The following CADM2 variants were observed in gnomAD, a reference collection of about 807,000 sequenced individuals.
The protein encoded by CADM2 is immunoglobulin superfamily member 4D.
Under a neutral mutation model 49.8 loss-of-function variants are expected in CADM2, and 12 were observed. The observed-to-expected ratio is 0.24, with a 90% CI of 0.15 to 0.39. CADM2 has a LOEUF of 0.39. CADM2 is among the 10% of genes least tolerant of loss of function. The pLI, the probability that CADM2 is intolerant of heterozygous loss-of-function variation, is 1.00. For missense variants in CADM2, 378 were observed against 492.3 expected (o/e 0.77, Z 2.20); for synonymous variants, 214 against 175.4 (o/e 1.22, Z -1.74).
At chr3:85,028,467 A>G (rs1392557511) in intron 1 of CADM2, among the ~76,000 whole-genome samples, 1 of 152,186 alleles carries the variant, frequency 6.6e-6, no homozygotes, top group Non-Finnish European at 1.5e-5. Context: ...TGTTAGAACT[A>G]AGAAAACTAT....
At chr3:85,939,326 A>G (rs1298852151) in intron 7 of CADM2, among the ~76,000 whole-genome samples, 3 of 152,016 alleles carry the variant, frequency 2.0e-5, no homozygotes, top group Admixed American at 6.6e-5. Context: ...CATTGTTTTA[A>G]TTTTAGTTTA....
intron 8 of CADM2, among the ~76,000 whole-genome samples, chr3:86,048,186 GTTATT>G (rs141916552): frequency 0.034 from 5,228 of 151,740 alleles, 177 homozygotes; most frequent in African/African-American, 0.085. Context: ...TTATGATTAT[GTTATT>G]TTATTTTCAA....
intron 2 of CADM2, among the ~76,000 whole-genome samples, chr3:85,739,156 T>G (rs1448955996): frequency 6.6e-6 from 1 of 152,116 alleles, no homozygotes; most frequent in Non-Finnish European, 1.5e-5. Flanking sequence ...GTTTGCATTA[T>G]CACTTTATAT....
intron 1 of CADM2, among the ~76,000 whole-genome samples, chr3:85,447,345 G>C (rs2037516958): frequency 6.6e-6 from 1 of 151,984 alleles, no homozygotes; most frequent in Admixed American, 6.6e-5. Context: ...TAGCCTTACT[G>C]TAATGTTAAT....
chr3:85,170,241 CT>C (rs944544217), intron 1 of CADM2, among the ~76,000 whole-genome samples: 45 of 152,032 alleles, frequency 3.0e-4, no homozygotes, highest in African/African-American at 1.1e-3. Flanking sequence ...ATTCTGGCGC[CT>C]TTAGAGTAAG....
intron 3 of CADM2, among the ~76,000 whole-genome samples, chr3:85,872,802 T>C (rs1431149238): frequency 1.3e-5 from 2 of 151,766 alleles, no homozygotes; most frequent in African/African-American, 2.4e-5. Flanking sequence ...AATTTTATGG[T>C]TTAGTTGTGG....
At chr3:85,887,177 C>T (rs1208662543) in intron 5 of CADM2, among the ~76,000 whole-genome samples, 3 of 140,532 alleles carry the variant, frequency 2.1e-5, no homozygotes, top group Non-Finnish European at 3.2e-5. Context: ...ACCTCGCACT[C>T]CTAGGCTCCA....
chr3:85,734,283 C>T (rs531175702), intron 2 of CADM2, among the ~76,000 whole-genome samples: 3 of 152,040 alleles, frequency 2.0e-5, no homozygotes, highest in East Asian at 3.9e-4. Context: ...CACTAAGACC[C>T]TGCTGCTTTG....
intron 8 of CADM2, among the ~76,000 whole-genome samples, chr3:86,027,629 C>T (rs147937394): frequency 6.6e-6 from 1 of 152,104 alleles, no homozygotes; most frequent in East Asian, 1.9e-4. Flanking sequence ...AAATGACTCA[C>T]CATGTTTATG....
At chr3:85,895,491 T>G (rs1715103335) in intron 5 of CADM2, among the ~76,000 whole-genome samples, 1 of 152,234 alleles carries the variant, frequency 6.6e-6, no homozygotes, top group Non-Finnish European at 1.5e-5. Context: ...GGACTAGCCT[T>G]GTCTCAGATG....
chr3:85,444,495 T>A (rs1382041848), intron 1 of CADM2, among the ~76,000 whole-genome samples: 1 of 151,640 alleles, frequency 6.6e-6, no homozygotes, highest in Non-Finnish European at 1.5e-5. Flanking sequence ...TCAACCTTAC[T>A]GTTCTCTCCA....
chr3:85,318,159 G>A (rs1175157514), intron 1 of CADM2, among the ~76,000 whole-genome samples: 3 of 145,232 alleles, frequency 2.1e-5, no homozygotes, highest in Non-Finnish European at 4.5e-5. Flanking sequence ...AACAGAGTGA[G>A]ACCCTGTCTC....
intron 1 of CADM2, among the ~76,000 whole-genome samples, chr3:85,180,537 A>G (rs956721880): frequency 1.4e-5 from 2 of 146,612 alleles, no homozygotes; most frequent in Non-Finnish European, 3.0e-5. Flanking sequence ...AAAAAAAAAA[A>G]GAGAAGGAGA....
At chr3:85,819,489 A>T (rs2073419311) in intron 3 of CADM2, among the ~76,000 whole-genome samples, 1 of 152,178 alleles carries the variant, frequency 6.6e-6, no homozygotes, top group African/African-American at 2.4e-5. Flanking sequence ...CAAAAAACTA[A>T]TTCCCGATTT....
chr3:85,955,632 A>G (rs1162295135), intron 7 of CADM2, among the ~76,000 whole-genome samples: 2 of 151,642 alleles, frequency 1.3e-5, no homozygotes, highest in Middle Eastern at 3.4e-3. Flanking sequence ...CCAAATACAA[A>G]TTAAAGAATT....
At chr3:85,487,376 A>G (rs929205346) in intron 1 of CADM2, among the ~76,000 whole-genome samples, 7 of 152,238 alleles carry the variant, frequency 4.6e-5, no homozygotes, top group African/African-American at 1.7e-4. Context: ...AAGTAAATAA[A>G]TAAACCGGAC....
intron 1 of CADM2, among the ~76,000 whole-genome samples, chr3:85,105,478 A>G (rs1172399622): frequency 6.6e-6 from 1 of 152,174 alleles, no homozygotes; most frequent in Non-Finnish European, 1.5e-5. Context: ...AGAAACAGGA[A>G]TACTTACACT....
In CADM2 at chr3:86,055,451, C is replaced by CTT. The variant is rs57606781; in HGVS notation, c.971-10127_971-10126dup. Among the ~76,000 whole-genome samples the CTT allele has an allele frequency of 6.7e-3, 582 of 87,452 alleles. 16 individuals are homozygous for CTT. The highest frequency in any genetic ancestry group is 0.017 in the African/African-American group (392 of 23,516). 57.4% of individuals were successfully genotyped at this position (87,452 alleles called of 152,430 possible). Reference sequence around the variant, plus strand: ...AGCAATGCAACTCTGGGCATCCCCTCTTTTTTTTTTTTTTTTTTTTTTTTT... The same window carrying CTT: ...AGCAATGCAACTCTGGGCATCCCCTCTTTTTTTTTTTTTTTTTTTTTTTTTTT... On this transcript the variant is annotated intron_variant, in intron 8 of 9. Coordinates refer to ENST00000383699, the MANE Select transcript of CADM2 (RefSeq NM_001167675.2).
intron 1 of CADM2, among the ~76,000 whole-genome samples, chr3:85,296,044 C>G (rs574469286): frequency 6.6e-6 from 1 of 151,832 alleles, no homozygotes; most frequent in African/African-American, 2.4e-5. Flanking sequence ...AGTATGAAAT[C>G]TTGTATAAAT....
Sources: allele counts gnomAD v4.1 joint callset (sites outside exome capture counted in the v4.1 genomes callset), GRCh38; gene constraint gnomAD v4.1.1; transcripts MANE v1.5; gene names NCBI Gene and HGNC (gene_info 2026-07-23, HGNC 2026-07-21).